GXYLT1: variants seen among roughly 807,000 people sequenced by gnomAD.
The protein encoded by GXYLT1 is glucoside xylosyltransferase 1.
Under a neutral mutation model 54.0 loss-of-function variants are expected in GXYLT1, and 29 were observed. The ratio of observed to expected loss-of-function variants is 0.54; its 90% CI spans 0.40 to 0.73. The LOEUF (loss-of-function observed/expected upper bound fraction) is 0.73. Among genes scored for constraint, GXYLT1 ranks in the 30% least tolerant of loss-of-function variants. The probability of loss-of-function intolerance (pLI) is 0.00; values close to 1 mark genes in which losing one functional copy is unlikely to be tolerated. For missense variants in GXYLT1, 490 were observed against 553.4 expected, an observed-to-expected ratio of 0.89 and a Z score of 1.15; for synonymous variants, 176 against 204.1, an observed-to-expected ratio of 0.86 and a Z score of 1.17.
intron 1 of GXYLT1, among the ~76,000 whole-genome samples, chr12:42,138,892 A>T (rs924298086): frequency 9.9e-5 from 15 of 152,110 alleles, no homozygotes; most frequent in African/African-American, 3.4e-4. Context: ...AAACAAAAAA[A>T]GCTGGGCAGT....
At chr12:42,112,935 G>A (rs922971147) in intron 3 of GXYLT1, among the ~76,000 whole-genome samples, 7 of 151,318 alleles carry the variant, frequency 4.6e-5, no homozygotes, top group South Asian at 2.1e-4. Context: ...CGGATCTCTC[G>A]GCAGAAACTC....
At chr12:42,097,651 C>CAAGAAGCAGAAGAAGGAGGAAT in intron 6 of GXYLT1, 37 bp from the exon 7 acceptor site, 1 of 1,537,504 alleles carries the variant, frequency 6.5e-7, no homozygotes, top group Non-Finnish European at 8.9e-7. Flanking sequence ...AAGCAAATAC[C>CAAGAAGCAGAAGAAGGAGGAAT]CCTAATTCCA....
intron 3 of GXYLT1, among the ~76,000 whole-genome samples, chr12:42,118,565 TA>T (rs556694924): frequency 8.2e-4 from 125 of 152,170 alleles, no homozygotes; most frequent in Non-Finnish European, 9.7e-4. Flanking sequence ...AATTAAGAAA[TA>T]AAACAACTGA....
At chr12:42,135,285 C>T (rs2065613494) in intron 1 of GXYLT1, among the ~76,000 whole-genome samples, 1 of 152,154 alleles carries the variant, frequency 6.6e-6, no homozygotes, top group African/African-American at 2.4e-5. Context: ...AAAGTCATAG[C>T]CATAGACATG....
intron 1 of GXYLT1, among the ~76,000 whole-genome samples, chr12:42,132,780 TTTTG>T (rs939429054): frequency 3.3e-5 from 5 of 151,756 alleles, no homozygotes; most frequent in Middle Eastern, 3.4e-3. Context: ...AATGTTTTTG[TTTTG>T]TTTTTTTTTT....
Position 42,109,562 on chromosome 12 carries a change from T to A in GXYLT1, c.612+4A>T. On this transcript the variant is annotated splice_donor_region_variant and intron_variant, in intron 4 of 7. Transcript: ENST00000398675. ...AAAAAAAGACACTAGGGGAAAAAAC[T>A]TACCGGCAAGAACAATCTCTGCGAA... is the stretch of plus-strand genomic sequence containing the variant. The A allele has an allele frequency of 3.4e-6, 5 of 1,484,486 alleles. No homozygotes were observed. Among genetic ancestry groups the A allele is most frequent in the Non-Finnish European group, 3.6e-6 (4 of 1,122,222 alleles). The allele number at this position is 1,484,486 out of a possible 1,614,324, so 92.0% of individuals were successfully genotyped here.
intron 7 of GXYLT1, among the ~76,000 whole-genome samples, chr12:42,095,065 C>T (rs894854934): frequency 3.3e-5 from 5 of 152,066 alleles, no homozygotes; most frequent in Admixed American, 3.3e-4. Flanking sequence ...AAACTTCACT[C>T]GTAAGAGAAA....
Position 42,144,603 on chromosome 12 carries a change from C to G in GXYLT1, c.44G>C (p.Gly15Ala). The change falls in exon 1 of 8, where the codon GGC becomes GCC. Residue 15 changes from glycine (G) to alanine (A), a missense_variant. Gly to Ala is a moderately conservative substitution (Grantham distance 60, BLOSUM62 0). Coordinates refer to ENST00000398675, the MANE Select transcript of GXYLT1 (RefSeq NM_173601.2). ...GAAAGCGTAAAGGAGCGAGCAGAAGCCGCAGGCCACACACAGCACCACGAC... is the reference window on the plus strand; with the variant it reads ...GAAAGCGTAAAGGAGCGAGCAGAAGGCGCAGGCCACACACAGCACCACGAC... ...LRVVVLCVACGFCSLLYAFSQ... is the reference protein window; with the variant it reads ...LRVVVLCVACAFCSLLYAFSQ... 6.8e-7 allele frequency: 1 copy of G among 1,479,072 alleles called. No individual in the cohort carries two copies. The highest frequency in any genetic ancestry group is 9.0e-7 in the Non-Finnish European group (1 of 1,112,410). 91.6% of individuals were successfully genotyped at this position (1,479,072 alleles called of 1,614,324 possible).
Position 42,144,454 on chromosome 12 carries a change from G to T in GXYLT1, c.193C>A (p.Pro65Thr). Residue 65 changes from proline to threonine, a missense_variant, in exon 1 of 8, where the codon CCC (proline) becomes ACC (threonine). Pro to Thr is a conservative substitution (Grantham distance 38, BLOSUM62 -1). This residue lies in a region of GXYLT1 where 148 missense variants were observed against 210.7 expected (regional missense o/e 0.70). Coordinates refer to ENST00000398675, the MANE Select transcript of GXYLT1 (RefSeq NM_173601.2). ...GAVRGAGVAG[P>T]AAHPGVSDRC... ...TCCGACACGCCGGGATGCGCTGCGG[G>T]GCCCGCGACGCCGGCGCCTCTCACG... 7.6e-7 allele frequency: 1 copy of T among 1,311,740 alleles called. No individual in the cohort carries two copies. The allele number at this position is 1,311,740 out of a possible 1,614,324, so 81.3% of individuals were successfully genotyped here. A position where few individuals can be genotyped will look rare whatever the true frequency, so the allele number is the denominator to read the frequency against.
At chr12:42,119,493 AAG>A (rs1028711135) in intron 2 of GXYLT1, among the ~76,000 whole-genome samples, 1 of 152,134 alleles carries the variant, frequency 6.6e-6, no homozygotes, top group Non-Finnish European at 1.5e-5. Flanking sequence ...AAAAAAAAGA[AAG>A]AAAGAAAAAC....
At chr12:42,140,198 GGC>G (rs2065643879) in intron 1 of GXYLT1, among the ~76,000 whole-genome samples, 1 of 19,160 alleles carries the variant, frequency 5.2e-5, no homozygotes, top group Admixed American at 6.6e-4. Flanking sequence ...AAAAAAAAAA[GGC>G]GGGGGGGGGG....
chr12:42,129,653 T>G (rs1413071377), intron 2 of GXYLT1, 106 bp downstream of exon 2: 1 of 645,582 alleles, frequency 1.5e-6, no homozygotes, highest in Non-Finnish European at 2.6e-6. Flanking sequence ...AATAAATTAT[T>G]TGTATAATAT....
rs146161405 is a variant in GXYLT1, at chr12:42,131,899, G to A, written c.222-2048C>T. ...TCTTTCAGATACAGATGATAGCACA[G>A]CTTTATTTCAACAAATGCACAATTT... is the stretch of plus-strand genomic sequence containing the variant. On this transcript the variant is annotated intron_variant, in intron 1 of 7. Transcript: ENST00000398675. Among the ~76,000 whole-genome samples the A allele has an allele frequency of 7.9e-5, 12 of 152,244 alleles. No homozygotes were observed. In the East Asian group the frequency reaches 2.3e-3, roughly 29 times the overall value.
At chr12:42,119,235 T>A (rs2065516215) in intron 2 of GXYLT1, 64 bp from the exon 3 acceptor site, 2 of 1,338,324 alleles carry the variant, frequency 1.5e-6, no homozygotes, top group Non-Finnish European at 2.1e-6. Flanking sequence ...TGTACTTTCA[T>A]CATGCTCAAA....
rs2065262067 is a variant in GXYLT1, at chr12:42,082,944, A to T, written c.*4842T>A. ...TTGATATTTAAATGTCTGACCAGGG[A>T]CCCTCCAAATAGTATTCACAGTATT... On this transcript the variant is annotated 3_prime_UTR_variant, in exon 8 of 8. Transcript: ENST00000398675. The T allele has an allele frequency of 6.6e-6, 1 of 151,994 alleles. No individual in the cohort carries two copies. The highest frequency in any genetic ancestry group is 1.5e-5 in the Non-Finnish European group (1 of 68,010). The allele number at this position is 151,994 out of a possible 1,614,324, so 9.4% of individuals were successfully genotyped here. A position where few individuals can be genotyped will look rare whatever the true frequency, so the allele number is the denominator to read the frequency against.
Position 42,098,039 on chromosome 12 carries a change from G to A in GXYLT1, c.865-6C>T. 1 of 1,603,272 alleles carries A rather than the reference G, an allele frequency of 6.2e-7. No homozygotes were observed. The highest frequency in any genetic ancestry group is 8.5e-7 in the Non-Finnish European group (1 of 1,175,880). ...CGTACAGTTGTCATATCATTCTGTT[G>A]ATAAAAACATTCAAAAGAGCTTCAG... On this transcript the variant is annotated splice_region_variant and splice_polypyrimidine_tract_variant and intron_variant, in intron 5 of 7. Transcript: ENST00000398675.
Position 42,097,481 on chromosome 12 carries a change from C to G in GXYLT1, c.1122G>C (p.Lys374Asn). The change falls in exon 7 of 8, where the codon AAG (lysine) becomes AAC (asparagine). Residue 374 changes from lysine (K) to asparagine (N), a missense_variant. Physicochemically the swap from Lys to Asn is moderately conservative, Grantham distance 94. Transcript: ENST00000398675. ...CATAAACAGCTCTAAATGCTGGTTGCTTATCGTCATGGTAAACACCTCTGT... is the reference window on the plus strand; with the variant it reads ...CATAAACAGCTCTAAATGCTGGTTGGTTATCGTCATGGTAAACACCTCTGT... ...HGNRGVYHDD[K>N]QPAFRAVYEA... The G allele has an allele frequency of 6.2e-7, 1 of 1,600,110 alleles. No homozygotes were observed. The highest frequency in any genetic ancestry group is 8.5e-7 in the Non-Finnish European group (1 of 1,176,754).
At chr12:42,110,473 A>G (rs762092659) in intron 3 of GXYLT1, among the ~76,000 whole-genome samples, 2 of 152,254 alleles carry the variant, frequency 1.3e-5, no homozygotes, top group Non-Finnish European at 2.9e-5. Context: ...TTTCTAAAAC[A>G]CTAATATCTT....
intron 4 of GXYLT1, among the ~76,000 whole-genome samples, chr12:42,109,163 T>C (rs2065437470): frequency 6.6e-6 from 1 of 152,210 alleles, no homozygotes; most frequent in Non-Finnish European, 1.5e-5. Context: ...AATTGCTATT[T>C]AATGAAGCAC....
Sources: gnomAD v4.1 joint callset for allele counts (sites outside exome capture counted in the v4.1 genomes callset) on GRCh38, gnomAD v4.1.1 for gene constraint, gnomAD v4.1.1 regional missense constraint, MANE v1.5 for transcripts, NCBI Gene and HGNC (gene_info 2026-07-23, HGNC 2026-07-21) for gene names.